CADM2: variants seen among roughly 807,000 people sequenced by gnomAD.
The protein encoded by CADM2 is immunoglobulin superfamily member 4D.
CADM2 carries 12 observed loss-of-function variants against 49.8 expected under a neutral mutation model. The observed-to-expected ratio is 0.24, with a 90% CI of 0.15 to 0.39. CADM2 has a LOEUF of 0.39. Among genes scored for constraint, CADM2 ranks in the 10% least tolerant of loss-of-function variants. CADM2 has a pLI of 1.00. For synonymous variants in CADM2, 214 were observed against 175.4 expected, an observed-to-expected ratio of 1.22 and a Z score of -1.74; for missense variants, 378 against 492.3, an observed-to-expected ratio of 0.77 and a Z score of 2.20.
At position 85,820,053 on chromosome 3, in the gene CADM2, C is replaced by T. The variant is rs566197044; in HGVS notation, c.238+17857C>T. On this transcript the variant is annotated intron_variant, in intron 3 of 9. Coordinates refer to ENST00000383699, the MANE Select transcript of CADM2 (RefSeq NM_001167675.2). ...AGAGGTAGAAGTGTCATGTCTCATC[C>T]TTTAGAAGGATAGTGAGCCAAGCAG... is the stretch of plus-strand genomic sequence containing the variant. Among the ~76,000 whole-genome samples the T allele has an allele frequency of 8.9e-4, 135 of 152,090 alleles. 2 individuals are homozygous for T. The South Asian group carries it at 0.019, about 21-fold the overall frequency.
chr3:85,094,946 T>C (rs890350934), intron 1 of CADM2, among the ~76,000 whole-genome samples: 1 of 152,162 alleles, frequency 6.6e-6, no homozygotes, highest in Non-Finnish European at 1.5e-5. Context: ...AGCATTAATA[T>C]GTGCCAGTCT....
intron 1 of CADM2, among the ~76,000 whole-genome samples, chr3:85,112,679 G>T (rs2038503501): frequency 1.3e-5 from 2 of 151,494 alleles, no homozygotes; most frequent in East Asian, 1.9e-4. Context: ...CTCTACTCTT[G>T]AGGATTCAGG....
chr3:84,964,390 T>A (rs1393213108), intron 1 of CADM2, among the ~76,000 whole-genome samples: 1 of 152,168 alleles, frequency 6.6e-6, no homozygotes, highest in African/African-American at 2.4e-5. Context: ...GTAAGCCTTA[T>A]TTACTATGAA....
intron 1 of CADM2, among the ~76,000 whole-genome samples, chr3:85,492,695 CAA>C (rs1419018766): frequency 6.6e-6 from 1 of 152,042 alleles, no homozygotes; most frequent in Non-Finnish European, 1.5e-5. Flanking sequence ...TGTAGTATAG[CAA>C]AGATAATATT....
chr3:85,580,964 A>G (rs1463137809), intron 1 of CADM2, among the ~76,000 whole-genome samples: 3 of 152,168 alleles, frequency 2.0e-5, no homozygotes, highest in African/African-American at 4.8e-5. Flanking sequence ...CTTGATTTCT[A>G]TATACACACA....
intron 1 of CADM2, among the ~76,000 whole-genome samples, chr3:85,316,411 A>G (rs2107078190): frequency 6.6e-6 from 1 of 152,264 alleles, no homozygotes; most frequent in East Asian, 1.9e-4. Context: ...TGCGGCTGAA[A>G]TGAGAGATTG....
intron 7 of CADM2, among the ~76,000 whole-genome samples, chr3:85,937,753 C>G (rs1169981091): frequency 1.3e-5 from 2 of 151,842 alleles, no homozygotes; most frequent in African/African-American, 4.8e-5. Context: ...TATATTATTT[C>G]TGGAAACTTG....
At chr3:85,827,022 C>T (rs1213410215) in intron 3 of CADM2, among the ~76,000 whole-genome samples, 1 of 151,766 alleles carries the variant, frequency 6.6e-6, no homozygotes, top group Non-Finnish European at 1.5e-5. Flanking sequence ...TCTAATTTTA[C>T]TAAGTTACCC....
At chr3:85,366,780 ATAT>A (rs1465363513) in intron 1 of CADM2, among the ~76,000 whole-genome samples, 1 of 152,082 alleles carries the variant, frequency 6.6e-6, no homozygotes, top group Non-Finnish European at 1.5e-5. Context: ...TTTTTAATTA[ATAT>A]TCTCACTGTA....
intron 2 of CADM2, among the ~76,000 whole-genome samples, chr3:85,755,001 A>C (rs980597450): frequency 3.9e-5 from 6 of 152,328 alleles, no homozygotes; most frequent in Non-Finnish European, 7.3e-5. Context: ...ACAGAAACCC[A>C]GTTCTAATAA....
intron 1 of CADM2, among the ~76,000 whole-genome samples, chr3:85,609,749 G>A (rs1378296631): frequency 6.6e-6 from 1 of 152,022 alleles, no homozygotes; most frequent in Non-Finnish European, 1.5e-5. Context: ...TGTTTTATTA[G>A]CTGTTGCTGT....
At chr3:85,692,500 A>T (rs536959516) in intron 1 of CADM2, among the ~76,000 whole-genome samples, 23 of 152,362 alleles carry the variant, frequency 1.5e-4, no homozygotes, top group South Asian at 1.0e-3. Flanking sequence ...AAATATTGGT[A>T]GTGAGCATGT....
At chr3:84,987,190 G>T (rs2032622449) in intron 1 of CADM2, among the ~76,000 whole-genome samples, 1 of 152,010 alleles carries the variant, frequency 6.6e-6, no homozygotes. Context: ...CCTGGCCCAG[G>T]CTGGAGTGCA....
rs1037624732 is a variant in CADM2, at chr3:85,494,662, C to A, written c.62-231860C>A. ...CAAGAAAATGAGGTGACACATTAAGCCATCATTTCCATTGAGGACTATATT... is the reference window on the plus strand; with the variant it reads ...CAAGAAAATGAGGTGACACATTAAGACATCATTTCCATTGAGGACTATATT... On this transcript the variant is annotated intron_variant, in intron 1 of 9. Transcript: ENST00000383699. Among the ~76,000 whole-genome samples, 54 of 152,094 alleles carry A rather than the reference C, an allele frequency of 3.6e-4. 1 individual carries two copies. Among genetic ancestry groups the A allele is most frequent in the Non-Finnish European group, 4.4e-5 (3 of 68,022 alleles).
intron 1 of CADM2, among the ~76,000 whole-genome samples, chr3:85,124,059 C>G (rs940577000): frequency 6.6e-6 from 1 of 152,102 alleles, no homozygotes; most frequent in Admixed American, 6.6e-5. Flanking sequence ...TTTGCAAATG[C>G]TTTTCTCTGT....
At chr3:85,303,205 A>G (rs1021393479) in intron 1 of CADM2, among the ~76,000 whole-genome samples, 2 of 151,976 alleles carry the variant, frequency 1.3e-5, no homozygotes, top group African/African-American at 4.8e-5. Context: ...GAAGTGCACA[A>G]AAGAGCTGTA....
At chr3:85,971,704 TC>T (rs1726163764) in intron 8 of CADM2, among the ~76,000 whole-genome samples, 1 of 151,748 alleles carries the variant, frequency 6.6e-6, no homozygotes, top group African/African-American at 2.4e-5. Flanking sequence ...TATAGGATAA[TC>T]CACTTCAAAA....
chr3:85,167,498 A>C (rs1280549712), intron 1 of CADM2, among the ~76,000 whole-genome samples: 3 of 152,132 alleles, frequency 2.0e-5, no homozygotes. Context: ...TGAGTGCCAA[A>C]TACTTTGTAA....
intron 1 of CADM2, among the ~76,000 whole-genome samples, chr3:85,056,496 G>T (rs1014386667): frequency 6.6e-6 from 1 of 152,008 alleles, no homozygotes; most frequent in African/African-American, 2.4e-5. Context: ...TATTGAAATA[G>T]TGATGTTAAC....
Sources: gnomAD v4.1 joint callset for allele counts (sites outside exome capture counted in the v4.1 genomes callset) on GRCh38, gnomAD v4.1.1 for gene constraint, MANE v1.5 for transcripts, NCBI Gene and HGNC (gene_info 2026-07-23, HGNC 2026-07-21) for gene names.